ST8SIA4: variants seen among roughly 807,000 people sequenced by gnomAD.
ST8SIA4 encodes the protein CMP-N-acetylneuraminate-poly-alpha-2,8-sialyltransferase.
In ST8SIA4, 15 loss-of-function variants were observed where a neutral mutation model predicts 33.9. That is an observed-to-expected ratio of 0.44 (90% CI 0.30 to 0.68). The LOEUF (loss-of-function observed/expected upper bound fraction) is 0.68. Ranked by LOEUF, ST8SIA4 falls within the 30% of genes least tolerant of loss-of-function variation. ST8SIA4 has a pLI of 0.10. For synonymous variants in ST8SIA4, 171 were observed against 151.2 expected (o/e 1.13, Z -0.96); for missense variants, 321 against 428.0 (o/e 0.75, Z 2.21).
chr5:100,871,534 G>A (rs925569308), intron 3 of ST8SIA4, among the ~76,000 whole-genome samples: 1 of 151,926 alleles, frequency 6.6e-6, no homozygotes, highest in African/African-American at 2.4e-5. Context: ...ATATTATTCA[G>A]TGTCAGTTTT....
At chr5:100,849,035 A>G in intron 4 of ST8SIA4, 3 of 764,364 alleles carry the variant, frequency 3.9e-6, no homozygotes, top group Non-Finnish European at 4.8e-6. Context: ...ATAAATATCA[A>G]GAGAAAATGA....
At chr5:100,871,358 T>C (rs1185222304) in intron 3 of ST8SIA4, among the ~76,000 whole-genome samples, 1 of 152,092 alleles carries the variant, frequency 6.6e-6, no homozygotes, top group African/African-American at 2.4e-5. Context: ...ATCCCTACTT[T>C]TAGGAATATA....
Position 100,809,897 on chromosome 5 carries a change from A to C in ST8SIA4, c.*1950T>G, listed in dbSNP as rs1421841476. ...TCCCAAGGTTTTACTATATTAAAAA[A>C]ATATGACATCTAATTAAAAATATTG... On this transcript the variant is annotated 3_prime_UTR_variant, in exon 5 of 5. Transcript: ENST00000231461. The C allele has an allele frequency of 6.6e-6, 1 of 152,138 alleles. No homozygotes were observed. The highest frequency in any genetic ancestry group is 2.4e-5 in the African/African-American group (1 of 41,426). 9.4% of individuals were successfully genotyped at this position (152,138 alleles called of 1,614,324 possible).
chr5:100,823,437 C>T (rs1010986979), intron 4 of ST8SIA4, among the ~76,000 whole-genome samples: 5 of 152,190 alleles, frequency 3.3e-5, no homozygotes, highest in Admixed American at 2.6e-4. Context: ...AACTTTCTTT[C>T]CCTTTACGGA....
chr5:100,824,369 A>C (rs1751097358), intron 4 of ST8SIA4, among the ~76,000 whole-genome samples: 1 of 152,162 alleles, frequency 6.6e-6, no homozygotes, highest in Non-Finnish European at 1.5e-5. Flanking sequence ...GGAAATATTA[A>C]GTTTAAAATA....
At chr5:100,849,455 A>G in intron 4 of ST8SIA4, 1 of 985,334 alleles carries the variant, frequency 1.0e-6, no homozygotes, top group Non-Finnish European at 1.2e-6. Flanking sequence ...ATTTTCGCAG[A>G]ACCTGCAAAA....
intron 3 of ST8SIA4, among the ~76,000 whole-genome samples, 163 bp from the exon 4 acceptor site, chr5:100,856,559 C>A (rs1011022207): frequency 2.6e-5 from 4 of 152,064 alleles, no homozygotes; most frequent in African/African-American, 9.7e-5. Flanking sequence ...AATAAGTCTC[C>A]GCACGTGCAG....
intron 2 of ST8SIA4, among the ~76,000 whole-genome samples, chr5:100,887,496 T>C (rs1221023752): frequency 6.6e-6 from 1 of 152,048 alleles, no homozygotes; most frequent in East Asian, 1.9e-4. Context: ...AATTTTAAGG[T>C]TACTTTTTTG....
At chr5:100,842,685 C>T (rs1751493601) in intron 4 of ST8SIA4, among the ~76,000 whole-genome samples, 1 of 151,570 alleles carries the variant, frequency 6.6e-6, no homozygotes, top group Non-Finnish European at 1.5e-5. Flanking sequence ...GCAAAAAGCT[C>T]ACTGAATTCT....
chr5:100,903,102 G>T lies in ST8SIA4; in HGVS notation c.-147C>A. The T allele has an allele frequency of 1.6e-6, 1 of 618,238 alleles. No homozygotes were observed. The highest frequency in any genetic ancestry group is 2.8e-6 in the Non-Finnish European group (1 of 350,910). 38.3% of individuals were successfully genotyped at this position (618,238 alleles called of 1,614,324 possible). On this transcript the variant is annotated 5_prime_UTR_variant, in exon 1 of 5. Transcript: ENST00000231461. ...CGGGATCCCGGGATCAGATCACTGGGGTCTTCTGTGGCCGAGCTCCCTCTG... is the reference window on the plus strand; with the variant it reads ...CGGGATCCCGGGATCAGATCACTGGTGTCTTCTGTGGCCGAGCTCCCTCTG...
In ST8SIA4 at chr5:100,856,278, T is replaced by A. The variant is rs1217003273; in HGVS notation, c.622A>T (p.Arg208Ter). The change falls in exon 4 of 5, where the codon AGA (arginine) becomes TGA (stop). Residue 208 changes from arginine (R) to a stop codon, truncating the protein, a stop_gained. Transcript: ENST00000231461. LOFTEE classifies it high-confidence loss of function. ...GAAAGTCTATGCACAAATTTTTCTC[T>A]GTCACTCTCATTTCGAAAGCCTCCA... ...AFGGFRNESD[R>*]EKFVHRLSML... 6.2e-7 allele frequency: 1 copy of A among 1,614,156 alleles called. No individual in the cohort carries two copies.
intron 2 of ST8SIA4, among the ~76,000 whole-genome samples, chr5:100,888,485 T>G (rs1176827515): frequency 6.6e-6 from 1 of 151,958 alleles, no homozygotes; most frequent in Non-Finnish European, 1.5e-5. Context: ...ACACCTAGTT[T>G]GGAAATTGGA....
intron 1 of ST8SIA4, among the ~76,000 whole-genome samples, chr5:100,896,730 C>G (rs951693189): frequency 3.3e-5 from 5 of 152,012 alleles, no homozygotes; most frequent in African/African-American, 1.2e-4. Context: ...TAAGATAAAA[C>G]AAATAAGCTC....
At chr5:100,858,847 A>T (rs1342308437) in intron 3 of ST8SIA4, among the ~76,000 whole-genome samples, 4 of 152,142 alleles carry the variant, frequency 2.6e-5, no homozygotes, top group Non-Finnish European at 5.9e-5. Context: ...GCACAATCAG[A>T]CTTTGTCAAG....
At chr5:100,822,265 C>T (rs958876661) in intron 4 of ST8SIA4, among the ~76,000 whole-genome samples, 8 of 152,148 alleles carry the variant, frequency 5.3e-5, no homozygotes, top group Non-Finnish European at 8.8e-5. Flanking sequence ...TTTGAATCAA[C>T]GGTGATACCT....
intron 3 of ST8SIA4, among the ~76,000 whole-genome samples, chr5:100,876,113 T>C (rs977884832): frequency 5.5e-4 from 83 of 152,052 alleles, no homozygotes; most frequent in African/African-American, 2.0e-3. Flanking sequence ...ATACCAGAAA[T>C]ACAGATGTTA....
chr5:100,868,799 T>C (rs2059198), intron 3 of ST8SIA4, among the ~76,000 whole-genome samples: 131,227 of 152,056 alleles, frequency 0.86, 57,027 homozygotes, highest in African/African-American at 0.95. Context: ...TAAAAATCAA[T>C]GATTAATATC....
intron 3 of ST8SIA4, among the ~76,000 whole-genome samples, chr5:100,867,092 A>G (rs942200578): frequency 1.3e-5 from 2 of 152,092 alleles, no homozygotes; most frequent in Non-Finnish European, 2.9e-5. Flanking sequence ...TGTTTCTTAA[A>G]ATTGCACATA....
intron 1 of ST8SIA4, among the ~76,000 whole-genome samples, chr5:100,900,682 C>T (rs926437220): frequency 1.3e-5 from 2 of 148,936 alleles, no homozygotes; most frequent in Non-Finnish European, 2.9e-5. Flanking sequence ...CAGCCCTCTG[C>T]CTTGCCCCAC....
Sources: gnomAD v4.1 joint callset for allele counts (sites outside exome capture counted in the v4.1 genomes callset) on GRCh38, gnomAD v4.1.1 for gene constraint, MANE v1.5 for transcripts, NCBI Gene and HGNC (gene_info 2026-07-23, HGNC 2026-07-21) for gene names.